UBE3A: variants seen among roughly 807,000 people sequenced by gnomAD.
UBE3A encodes ubiquitin-protein ligase E3A.
Under a neutral mutation model 83.4 loss-of-function variants are expected in UBE3A, and 6 were observed. The observed-to-expected ratio is 0.07, with a 90% CI of 0.04 to 0.14. UBE3A has a LOEUF of 0.14. Ranked by LOEUF, UBE3A falls within the 10% of genes least tolerant of loss-of-function variation. The pLI, the probability that UBE3A is intolerant of heterozygous loss-of-function variation, is 1.00. For missense variants in UBE3A, 456 were observed against 1,036.1 expected (o/e 0.44, Z 7.69); for synonymous variants, 337 against 355.4 (o/e 0.95, Z 0.58).
intron 11 of UBE3A, among the ~76,000 whole-genome samples, chr15:25,350,613 G>A (rs892093226): frequency 2.6e-5 from 4 of 151,962 alleles, no homozygotes; most frequent in Non-Finnish European, 5.9e-5. Context: ...TGTTTGCCCA[G>A]GAGAAATAAA....
Position 25,406,264 on chromosome 15 carries a change from C to T in UBE3A, c.21-762G>A, listed in dbSNP as rs868784302. ...CAATGAAACTGTTTCCCTAAAAATA[C>T]ACTTACTGTATGTATTACCTGTCAA... On this transcript the variant is annotated intron_variant, in intron 3 of 12. Transcript: ENST00000648336. Among the ~76,000 whole-genome samples the T allele has an allele frequency of 4.6e-5, 7 of 152,292 alleles. 1 individual carries two copies. In the Middle Eastern group the frequency reaches 0.014, roughly 296 times the overall value.
chr15:25,384,536 G>A (rs1287339165), intron 4 of UBE3A, among the ~76,000 whole-genome samples: 1 of 150,278 alleles, frequency 6.7e-6, no homozygotes, highest in East Asian at 2.0e-4. Flanking sequence ...TAAATGGAAA[G>A]ACATCCAAGT....
chr15:25,371,819 A>T lies in UBE3A; in HGVS notation c.362-7T>A. The T allele has an allele frequency of 6.2e-7, 1 of 1,604,466 alleles. No homozygotes were observed. The highest frequency in any genetic ancestry group is 2.2e-5 in the East Asian group (1 of 44,820). ...TCTGTTAAGTAAGTCACATCTAGAA[A>T]ATCAGAGGAAAAAAGAGAACATTTA... On this transcript the variant is annotated splice_region_variant and splice_polypyrimidine_tract_variant and intron_variant, in intron 5 of 12. Coordinates refer to ENST00000648336, the MANE Select transcript of UBE3A (RefSeq NM_130839.5). This position sits in a 1 kb window ranked among gnomAD's most constrained non-coding sequence, Gnocchi z 5.3.
At chr15:25,435,941 T>C (rs891786985) in intron 1 of UBE3A, among the ~76,000 whole-genome samples, 13 of 152,220 alleles carry the variant, frequency 8.5e-5, no homozygotes, top group Non-Finnish European at 1.8e-4. Flanking sequence ...TCTAAGGTAA[T>C]ACTTATTGAG....
At chr15:25,422,082 T>C (rs546930709) in intron 1 of UBE3A, 141 of 152,336 alleles carry the variant, frequency 9.3e-4, no homozygotes, top group African/African-American at 3.2e-3. Context: ...AACTGTGGTA[T>C]AGTCATATTG....
Position 25,415,349 on chromosome 15 carries a change from C to A in UBE3A, c.-164-3378G>T, listed in dbSNP as rs143038137. ...CTTCACATTTTATTTGAGGCCCCTG[C>A]CATGTGGCCCTGACCCCAGCCATCC... On this transcript the variant is annotated intron_variant, in intron 1 of 12. Coordinates refer to ENST00000648336, the MANE Select transcript of UBE3A (RefSeq NM_130839.5). 5.0e-3 allele frequency among the ~76,000 whole-genome samples: 761 copies of A among 152,322 alleles called. 7 individuals are homozygous for A. The highest frequency in any genetic ancestry group is 0.018 in the African/African-American group (730 of 41,572).
rs954495080 is a variant in UBE3A at position 25,337,780 on chromosome 15, T to G, written c.*1357A>C. 6.6e-6 allele frequency: 1 copy of G among 152,210 alleles called. No individual in the cohort carries two copies. The highest frequency in any genetic ancestry group is 6.5e-5 in the Admixed American group (1 of 15,290). 9.4% of individuals were successfully genotyped at this position (152,210 alleles called of 1,614,324 possible). ...ATCAATGTCTCACCTTAGTTAAAAA[T>G]ACATAATCCTTTTATTTTATAATGC... On this transcript the variant is annotated 3_prime_UTR_variant, in exon 13 of 13. Coordinates refer to ENST00000648336, the MANE Select transcript of UBE3A (RefSeq NM_130839.5).
chr15:25,372,152 G>A (rs2080401470), intron 5 of UBE3A, among the ~76,000 whole-genome samples: 1 of 152,044 alleles, frequency 6.6e-6, no homozygotes, highest in South Asian at 2.1e-4. Context: ...AATATGTCAT[G>A]TACTGATTAA....
chr15:25,377,641 T>C (rs1263131490), intron 4 of UBE3A, among the ~76,000 whole-genome samples: 1 of 152,212 alleles, frequency 6.6e-6, no homozygotes, highest in Non-Finnish European at 1.5e-5. Flanking sequence ...AGGTATTTCC[T>C]TTCTGGAGGA....
chr15:25,349,192 G>A (rs2076146385), intron 11 of UBE3A, among the ~76,000 whole-genome samples: 1 of 152,108 alleles, frequency 6.6e-6, no homozygotes, highest in Non-Finnish European at 1.5e-5. Context: ...TTTAACAAAT[G>A]GTACTGGAAC....
In UBE3A at chr15:25,337,682, A is replaced by ATCAG. The variant is rs914946103; in HGVS notation, c.*1451_*1454dup. 2 of 151,490 alleles carry ATCAG rather than the reference A, an allele frequency of 1.3e-5. No homozygotes were observed. Among genetic ancestry groups the ATCAG allele is most frequent in the African/African-American group, 4.9e-5 (2 of 40,844 alleles). 9.4% of individuals were successfully genotyped at this position (151,490 alleles called of 1,614,324 possible). A position where few individuals can be genotyped will look rare whatever the true frequency, so the allele number is the denominator to read the frequency against. ...TGATCTACAGTAATCAGTTAAAACA[A>ATCAG]TCAGTCAATCAATCAATCAATCACC... On this transcript the variant is annotated 3_prime_UTR_variant, in exon 13 of 13. Coordinates refer to ENST00000648336, the MANE Select transcript of UBE3A (RefSeq NM_130839.5).
chr15:25,408,629 CACT>C, intron 3 of UBE3A: 1 of 1,613,866 alleles, frequency 6.2e-7, no homozygotes, highest in Non-Finnish European at 8.5e-7. Flanking sequence ...CTTCCAATAA[CACT>C]GGTGCAGCTT....
At chr15:25,433,480 T>C (rs916463272) in intron 1 of UBE3A, among the ~76,000 whole-genome samples, 1 of 152,164 alleles carries the variant, frequency 6.6e-6, no homozygotes, top group African/African-American at 2.4e-5. Context: ...GCCATGGCAC[T>C]TGGCCTCTAA....
chr15:25,398,201 CAAA>C (rs1342293237), intron 4 of UBE3A, among the ~76,000 whole-genome samples: 2 of 109,898 alleles, frequency 1.8e-5, no homozygotes, highest in Non-Finnish European at 3.8e-5. Flanking sequence ...ACACAAAAAA[CAAA>C]AAAAAGGATA....
At chr15:25,359,558 T>C (rs1011822953) in intron 7 of UBE3A, among the ~76,000 whole-genome samples, 10 of 152,118 alleles carry the variant, frequency 6.6e-5, no homozygotes, top group African/African-American at 2.4e-4. Flanking sequence ...TACATTATTC[T>C]ATGCACACTC....
intron 11 of UBE3A, chr15:25,347,030 T>A (rs2075791864): frequency 6.6e-6 from 1 of 151,958 alleles, no homozygotes; most frequent in Admixed American, 6.6e-5. Flanking sequence ...TCTTTGGGAA[T>A]AAAGGGAAAA....
chr15:25,412,485 C>T (rs770860903), intron 1 of UBE3A, among the ~76,000 whole-genome samples: 6 of 152,020 alleles, frequency 3.9e-5, no homozygotes, highest in Non-Finnish European at 8.8e-5. Context: ...TAGTATAATG[C>T]CTACCTGGCA....
At chr15:25,381,603 T>C (rs908375660) in intron 4 of UBE3A, among the ~76,000 whole-genome samples, 10 of 152,148 alleles carry the variant, frequency 6.6e-5, no homozygotes, top group African/African-American at 1.9e-4. Context: ...AGATATAAAA[T>C]AGAAACAACT....
chr15:25,434,953 T>C (rs1309540380), intron 1 of UBE3A, among the ~76,000 whole-genome samples: 1 of 147,436 alleles, frequency 6.8e-6, no homozygotes, highest in Non-Finnish European at 1.5e-5. Context: ...AGTAAAAATT[T>C]TAAATTCTAT....
Sources: gnomAD v4.1 joint callset for allele counts (sites outside exome capture counted in the v4.1 genomes callset) on GRCh38, gnomAD v4.1.1 for gene constraint, Gnocchi (gnomAD v3.1) non-coding constraint, MANE v1.5 for transcripts, NCBI Gene and HGNC (gene_info 2026-07-23, HGNC 2026-07-21) for gene names.